Variants in LMCD1 observed in about 807,000 individuals in gnomAD.
The protein encoded by LMCD1 is LIM and cysteine-rich domains protein 1.
A neutral mutation model predicts 42.7 loss-of-function variants in LMCD1; 32 were observed. That is an observed-to-expected ratio of 0.75 (90% CI 0.57 to 1.01). LMCD1 has a LOEUF of 1.01. Among genes scored for constraint, LMCD1 ranks in the 50% least tolerant of loss-of-function variants. The probability of loss-of-function intolerance (pLI) is 0.00; values close to 1 mark genes in which losing one functional copy is unlikely to be tolerated. For missense variants in LMCD1, 458 were observed against 483.1 expected (o/e 0.95, Z 0.49); for synonymous variants, 178 against 184.9 (o/e 0.96, Z 0.30).
intron 4 of LMCD1, among the ~76,000 whole-genome samples, chr3:8,556,767 A>G (rs1253090470): frequency 6.6e-6 from 1 of 152,192 alleles, no homozygotes; most frequent in Non-Finnish European, 1.5e-5. Flanking sequence ...TTTGAGAACA[A>G]CCCACACTGA....
intron 2 of LMCD1, among the ~76,000 whole-genome samples, chr3:8,533,475 G>A (rs1170548811): frequency 2.0e-5 from 3 of 152,154 alleles, no homozygotes; most frequent in African/African-American, 7.2e-5. Context: ...CAGACTGTAA[G>A]TCTGTCCCTG....
chr3:8,538,764 C>A (rs1012970410), intron 3 of LMCD1, among the ~76,000 whole-genome samples: 1 of 151,908 alleles, frequency 6.6e-6, no homozygotes, highest in African/African-American at 2.4e-5. Flanking sequence ...AACAGATTAT[C>A]TTTTTTCTGT....
intron 4 of LMCD1, among the ~76,000 whole-genome samples, chr3:8,549,639 G>A (rs1055181776): frequency 3.3e-5 from 5 of 152,226 alleles, no homozygotes; most frequent in African/African-American, 1.2e-4. Flanking sequence ...TCCTCTAGCA[G>A]TGTCTTAGTA....
rs149634938 is a variant in LMCD1, at chr3:8,532,347, G to C, written c.43-390G>C. 5.4e-3 allele frequency among the ~76,000 whole-genome samples: 821 copies of C among 152,284 alleles called. 4 individuals carry two copies. Among genetic ancestry groups the C allele is most frequent in the Non-Finnish European group, 6.1e-3 (418 of 68,024 alleles). ...CTATCAATAAATCACAAATAAATGA[G>C]GGAGAGGAGACACTCACTGAAGATT... On this transcript the variant is annotated intron_variant, in intron 1 of 5. Coordinates refer to ENST00000157600, the MANE Select transcript of LMCD1 (RefSeq NM_014583.4).
intron 2 of LMCD1, 61 bp from the exon 3 acceptor site, chr3:8,537,124 G>A: frequency 6.4e-7 from 1 of 1,567,276 alleles, no homozygotes; most frequent in East Asian, 2.3e-5. Flanking sequence ...GCTGCTAGCA[G>A]GAGAATGTGC....
intron 1 of LMCD1, among the ~76,000 whole-genome samples, chr3:8,517,481 T>C (rs757582879): frequency 1.3e-5 from 2 of 152,250 alleles, no homozygotes; most frequent in African/African-American, 2.4e-5. Flanking sequence ...GTCTAACCTA[T>C]ATCTAACATG....
chr3:8,537,061 C>G (rs918121543), intron 2 of LMCD1, 124 bp from the exon 3 acceptor site: 2 of 1,076,794 alleles, frequency 1.9e-6, no homozygotes, highest in Admixed American at 2.8e-5. Flanking sequence ...TACCATTTGT[C>G]CGCTGCTAGT....
At chr3:8,504,487 G>T (rs1260788409) in intron 1 of LMCD1, among the ~76,000 whole-genome samples, 1 of 152,194 alleles carries the variant, frequency 6.6e-6, no homozygotes. Context: ...ACCCCCGAGG[G>T]GGCTGGGGCG....
intron 1 of LMCD1, among the ~76,000 whole-genome samples, chr3:8,521,998 G>A (rs1397600114): frequency 6.6e-6 from 1 of 152,086 alleles, no homozygotes; most frequent in Non-Finnish European, 1.5e-5. Context: ...GGAAGCACAG[G>A]CTTCTATACA....
chr3:8,529,388 T>C (rs921654749), intron 1 of LMCD1, among the ~76,000 whole-genome samples: 3 of 152,244 alleles, frequency 2.0e-5, no homozygotes, highest in Non-Finnish European at 4.4e-5. Flanking sequence ...CCATGGAAAC[T>C]GTCCCACTAG....
chr3:8,558,173 A>G (rs538766206), intron 4 of LMCD1, among the ~76,000 whole-genome samples: 1 of 152,312 alleles, frequency 6.6e-6, no homozygotes, highest in Admixed American at 6.5e-5. Context: ...GTGGGACCAT[A>G]TTCATGGAAA....
chr3:8,541,922 G>T (rs866488352), intron 3 of LMCD1, among the ~76,000 whole-genome samples: 1 of 150,904 alleles, frequency 6.6e-6, no homozygotes, highest in Non-Finnish European at 1.5e-5. Flanking sequence ...GACCAGCCAG[G>T]CAAGGCCAGG....
intron 1 of LMCD1, among the ~76,000 whole-genome samples, chr3:8,502,290 T>A (rs1174006439): frequency 2.4e-5 from 1 of 41,716 alleles, no homozygotes; most frequent in Admixed American, 3.8e-4. Context: ...ATATATATAA[T>A]ATATATTATA....
chr3:8,503,240 T>C (rs1693802181), intron 1 of LMCD1, among the ~76,000 whole-genome samples: 1 of 152,182 alleles, frequency 6.6e-6, no homozygotes, highest in Non-Finnish European at 1.5e-5. Context: ...AGAATCAAAC[T>C]AAAGACACAA....
At chr3:8,559,846 A>G (rs1330083986) in intron 4 of LMCD1, among the ~76,000 whole-genome samples, 1 of 152,232 alleles carries the variant, frequency 6.6e-6, no homozygotes, top group Non-Finnish European at 1.5e-5. Flanking sequence ...TTACCTGGAC[A>G]TCTTGTTTTC....
chr3:8,508,624 G>C (rs1693930158), intron 1 of LMCD1, among the ~76,000 whole-genome samples: 1 of 152,172 alleles, frequency 6.6e-6, no homozygotes, highest in Non-Finnish European at 1.5e-5. Flanking sequence ...AAATGGGACA[G>C]GGGGAGAAAT....
chr3:8,555,918 G>A (rs972693189), intron 4 of LMCD1, among the ~76,000 whole-genome samples: 8 of 152,138 alleles, frequency 5.3e-5, no homozygotes, highest in Admixed American at 2.0e-4. Flanking sequence ...GACCCTGGCT[G>A]TGTTCCAATC....
chr3:8,552,202 A>T (rs752433833), intron 4 of LMCD1, among the ~76,000 whole-genome samples: 2 of 152,194 alleles, frequency 1.3e-5, no homozygotes, highest in Admixed American at 6.5e-5. Context: ...CTGCCCCAAG[A>T]TGTGAAGTGG....
Position 8,532,759 on chromosome 3 carries a change from C to A in LMCD1, c.65C>A (p.Ser22Ter). Residue 22 changes from serine (S) to a stop codon, truncating the protein, a stop_gained, in exon 2 of 6, where the codon TCA (serine) becomes TAA (stop). Transcript: ENST00000157600. LOFTEE classifies it high-confidence loss of function. ...VKKMSLGQLQ[S>*]ARGVACLGCK... is the part of the protein sequence containing the mutation. ...CAGATGTCCCTGGGCCAGCTGCAGTCAGCAAGAGGTGTGGCATGTTTGGGA... is the reference window on the plus strand; with the variant it reads ...CAGATGTCCCTGGGCCAGCTGCAGTAAGCAAGAGGTGTGGCATGTTTGGGA... 1 of 1,613,570 alleles carries A rather than the reference C, an allele frequency of 6.2e-7. No homozygotes were observed. The highest frequency in any genetic ancestry group is 8.5e-7 in the Non-Finnish European group (1 of 1,179,820).
Sources: allele counts gnomAD v4.1 joint callset (sites outside exome capture counted in the v4.1 genomes callset), GRCh38; gene constraint gnomAD v4.1.1; transcripts MANE v1.5; gene names NCBI Gene and HGNC (gene_info 2026-07-23, HGNC 2026-07-21).